The following PLCL1 variants were observed in gnomAD, a reference collection of about 807,000 sequenced individuals.
PLCL1 encodes the protein phospholipase C like 1 (inactive), also known as inactive phospholipase C-like protein 1.
A neutral mutation model predicts 84.4 loss-of-function variants in PLCL1; 41 were observed. That is an observed-to-expected ratio of 0.49 (90% CI 0.38 to 0.63). PLCL1 has a LOEUF of 0.63. Among genes scored for constraint, PLCL1 ranks in the 30% least tolerant of loss-of-function variants. The pLI, the probability that PLCL1 is intolerant of heterozygous loss-of-function variation, is 0.00. For missense variants in PLCL1, 1,206 were observed against 1,367.8 expected (o/e 0.88, Z 1.87); for synonymous variants, 490 against 488.3 (o/e 1.00, Z -0.05).
At chr2:197,894,945 T>C (rs1688105117) in intron 1 of PLCL1, among the ~76,000 whole-genome samples, 1 of 151,990 alleles carries the variant, frequency 6.6e-6, no homozygotes, top group East Asian at 1.9e-4. Context: ...TTAACTCTCT[T>C]TCTTTCTAGT....
At chr2:198,141,477 C>CAAAA (rs60334474) in intron 5 of PLCL1, among the ~76,000 whole-genome samples, 34 of 79,188 alleles carry the variant, frequency 4.3e-4, no homozygotes, top group African/African-American at 9.4e-4. Flanking sequence ...AGTGTAACAT[C>CAAAA]AAAAAAAAAA....
intron 1 of PLCL1, among the ~76,000 whole-genome samples, chr2:197,977,251 A>G (rs1029605642): frequency 4.6e-5 from 7 of 152,174 alleles, no homozygotes; most frequent in African/African-American, 1.7e-4. Context: ...TAACATCATC[A>G]AAGACCTTGG....
chr2:197,910,238 T>C (rs1688459631), intron 1 of PLCL1, among the ~76,000 whole-genome samples: 1 of 152,256 alleles, frequency 6.6e-6, no homozygotes, highest in African/African-American at 2.4e-5. Flanking sequence ...GGATCTCTTC[T>C]TTCCTAGCTG....
chr2:197,826,522 G>A (rs1015308527), intron 1 of PLCL1, among the ~76,000 whole-genome samples: 7 of 152,030 alleles, frequency 4.6e-5, no homozygotes, highest in Non-Finnish European at 8.8e-5. Context: ...TGGATCCAAG[G>A]CCATTGAAAT....
At chr2:197,884,874 T>G (rs1687889504) in intron 1 of PLCL1, among the ~76,000 whole-genome samples, 1 of 152,072 alleles carries the variant, frequency 6.6e-6, no homozygotes, top group Non-Finnish European at 1.5e-5. Flanking sequence ...GCAAACAGAA[T>G]GATTTCCTAA....
chr2:198,073,345 C>T (rs1019343337), intron 1 of PLCL1, among the ~76,000 whole-genome samples: 22 of 152,144 alleles, frequency 1.4e-4, no homozygotes, highest in Admixed American at 7.2e-4. Flanking sequence ...AATATTCATT[C>T]TCTGATATCT....
At chr2:197,842,591 AT>A (rs1015902043) in intron 1 of PLCL1, among the ~76,000 whole-genome samples, 8 of 152,080 alleles carry the variant, frequency 5.3e-5, no homozygotes, top group African/African-American at 1.9e-4. Flanking sequence ...GTTCATCATA[AT>A]TCTGTTTTCT....
At chr2:197,986,190 G>T (rs1196944729) in intron 1 of PLCL1, among the ~76,000 whole-genome samples, 1 of 152,146 alleles carries the variant, frequency 6.6e-6, no homozygotes, top group South Asian at 2.1e-4. Context: ...TAAATTAAAA[G>T]ATTGTAACCC....
At chr2:197,958,945 C>T (rs1689550460) in intron 1 of PLCL1, among the ~76,000 whole-genome samples, 1 of 151,872 alleles carries the variant, frequency 6.6e-6, no homozygotes. Context: ...ACAGGATTCT[C>T]AAACTTTGGC....
At chr2:198,041,199 C>T (rs1003098632) in intron 1 of PLCL1, among the ~76,000 whole-genome samples, 18 of 152,212 alleles carry the variant, frequency 1.2e-4, no homozygotes, top group Non-Finnish European at 2.1e-4. Flanking sequence ...TTTGAAATGT[C>T]TGAAAACTGC....
At position 198,084,013 on chromosome 2, in the gene PLCL1, A is replaced by G; in HGVS notation, c.496A>G (p.Ile166Val). 1 of 1,614,172 alleles carries G rather than the reference A, an allele frequency of 6.2e-7. No homozygotes were observed. The highest frequency in any genetic ancestry group is 8.5e-7 in the Non-Finnish European group (1 of 1,180,008). ...GCTTGATATTTCTGCCATAAAAGAGATCAGACTGGGGAAAAACACGGAAAC... is the reference window on the plus strand; with the variant it reads ...GCTTGATATTTCTGCCATAAAAGAGGTCAGACTGGGGAAAAACACGGAAAC... ...AKLDISAIKEIRLGKNTETFR... is the reference protein window; with the variant it reads ...AKLDISAIKEVRLGKNTETFR... Residue 166 changes from isoleucine to valine, a missense_variant, in exon 2 of 6, where the codon ATC (isoleucine) becomes GTC (valine). Transcript: ENST00000428675.
chr2:198,036,681 A>G (rs1691557340), intron 1 of PLCL1, among the ~76,000 whole-genome samples: 1 of 152,190 alleles, frequency 6.6e-6, no homozygotes, highest in African/African-American at 2.4e-5. Flanking sequence ...TGGTTCATAC[A>G]TCAAAAGAGG....
rs187375931 is a variant in PLCL1 at position 198,022,798 on chromosome 2, G to A, written c.241-60960G>A. ...TCCATGTTCATGGATAGGAAGAATC[G>A]ATATAGTGAAAATGATCATACTGCC... On this transcript the variant is annotated intron_variant, in intron 1 of 5. Coordinates refer to ENST00000428675, the MANE Select transcript of PLCL1 (RefSeq NM_006226.4). Among the ~76,000 whole-genome samples the A allele has an allele frequency of 1.3e-3, 192 of 152,150 alleles. 1 individual carries two copies. Among genetic ancestry groups the A allele is most frequent in the African/African-American group, 4.0e-3 (168 of 41,532 alleles).
Position 198,069,321 on chromosome 2 carries a change from T to C in PLCL1, c.241-14437T>C, listed in dbSNP as rs369092782. On this transcript the variant is annotated intron_variant, in intron 1 of 5. Coordinates refer to ENST00000428675, the MANE Select transcript of PLCL1 (RefSeq NM_006226.4). The stretch of plus-strand genomic sequence containing the variant: ...GCTTGGACAACATGGCAAGAACCTG[T>C]CTCTACAGAGATAAAGAAACAGCCT... Among the ~76,000 whole-genome samples the C allele has an allele frequency of 1.1e-4, 16 of 151,890 alleles. 1 individual carries two copies. The highest frequency in any genetic ancestry group is 3.9e-4 in the African/African-American group (16 of 41,442).
Position 198,084,886 on chromosome 2 carries a change from T to C in PLCL1, c.1369T>C (p.Cys457Arg). The C allele has an allele frequency of 6.2e-7, 1 of 1,614,040 alleles. No individual in the cohort carries two copies. Among genetic ancestry groups the C allele is most frequent in the Non-Finnish European group, 8.5e-7 (1 of 1,179,962 alleles). Reference sequence around the variant, plus strand: ...TGGTTCAGATAATGAACCAATCCTTTGTAATCGAAATAACATGACAACCCA... The same window carrying C: ...TGGTTCAGATAATGAACCAATCCTTCGTAATCGAAATAACATGACAACCCA... ...SDGSDNEPILCNRNNMTTHVS... is the reference protein window; with the variant it reads ...SDGSDNEPILRNRNNMTTHVS... The change falls in exon 2 of 6, where the codon TGT (cysteine) becomes CGT (arginine). Residue 457 changes from cysteine (C) to arginine (R), a missense_variant. Transcript: ENST00000428675.
intron 1 of PLCL1, among the ~76,000 whole-genome samples, chr2:197,992,988 G>C (rs1345377820): frequency 6.6e-6 from 1 of 152,180 alleles, no homozygotes; most frequent in East Asian, 1.9e-4. Context: ...GCAAATATCT[G>C]TTTGAGTCCC....
At position 198,007,692 on chromosome 2, in the gene PLCL1, T is replaced by C. The variant is rs147988918; in HGVS notation, c.241-76066T>C. Among the ~76,000 whole-genome samples the C allele has an allele frequency of 4.1e-3, 628 of 152,302 alleles. 6 individuals are homozygous for C. Among genetic ancestry groups the C allele is most frequent in the African/African-American group, 0.014 (595 of 41,574 alleles). ...CATCATAAACCCTCTTCAAAAAACA[T>C]GCATTTTAGGACTTGGATATAGTCA... On this transcript the variant is annotated intron_variant, in intron 1 of 5. Transcript: ENST00000428675.
chr2:198,000,320 T>C (rs1455661976), intron 1 of PLCL1, among the ~76,000 whole-genome samples: 4 of 152,194 alleles, frequency 2.6e-5, no homozygotes, highest in Non-Finnish European at 4.4e-5. Flanking sequence ...AAGGGATACA[T>C]GTACAGGTTT....
At chr2:198,038,889 C>G (rs1436710408) in intron 1 of PLCL1, among the ~76,000 whole-genome samples, 2 of 148,872 alleles carry the variant, frequency 1.3e-5, no homozygotes, top group African/African-American at 4.9e-5. Flanking sequence ...AATTTTTTAT[C>G]TCGTGTTTTT....
Sources: gnomAD v4.1 joint callset for allele counts (sites outside exome capture counted in the v4.1 genomes callset) on GRCh38, gnomAD v4.1.1 for gene constraint, MANE v1.5 for transcripts, NCBI Gene and HGNC (gene_info 2026-07-23, HGNC 2026-07-21) for gene names.